The following PHLPP1 variants were observed in gnomAD, a reference collection of about 807,000 sequenced individuals.
PHLPP1 encodes PH domain and leucine rich repeat protein phosphatase 1.
Under a neutral mutation model 117.2 loss-of-function variants are expected in PHLPP1, and 42 were observed. That is an observed-to-expected ratio of 0.36 (90% CI 0.28 to 0.46). PHLPP1 has a LOEUF of 0.46. PHLPP1 is among the 20% of genes least tolerant of loss of function. PHLPP1 has a pLI of 1.00. For synonymous variants in PHLPP1, 1,042 were observed against 970.7 expected (o/e 1.07, Z -1.37); for missense variants, 2,084 against 2,241.9 (o/e 0.93, Z 1.42).
At chr18:62,863,267 G>A (rs574130646) in intron 4 of PHLPP1, among the ~76,000 whole-genome samples, 2 of 151,638 alleles carry the variant, frequency 1.3e-5, no homozygotes, top group South Asian at 4.2e-4. Context: ...GGAGTGCAGT[G>A]GTGGCTCACA....
In PHLPP1 at chr18:62,941,712, T is replaced by C. The variant is rs764520213; in HGVS notation, c.2961-6T>C. ...AATGGCATTTTGTTGCGTTTTGTCATTGTAGCCTGAGATTCCTGAACGCCT... is the reference window on the plus strand; with the variant it reads ...AATGGCATTTTGTTGCGTTTTGTCACTGTAGCCTGAGATTCCTGAACGCCT... On this transcript the variant is annotated splice_polypyrimidine_tract_variant and splice_region_variant and intron_variant, in intron 10 of 16. Coordinates refer to ENST00000262719, the MANE Select transcript of PHLPP1 (RefSeq NM_194449.4). The C allele has an allele frequency of 9.9e-6, 16 of 1,608,726 alleles. No homozygotes were observed. Among genetic ancestry groups the C allele is most frequent in the Non-Finnish European group, 1.4e-5 (16 of 1,176,358 alleles).
rs547093520 is a variant in PHLPP1 at position 62,872,926 on chromosome 18, G to A, written c.2066+12325G>A. ...CACTTGAATCTGGGAGGCGGAGGTT[G>A]CAGTGAGCCGAGACTGAGCCACTGC... On this transcript the variant is annotated intron_variant, in intron 4 of 16. Coordinates refer to ENST00000262719, the MANE Select transcript of PHLPP1 (RefSeq NM_194449.4). 1.3e-4 allele frequency among the ~76,000 whole-genome samples: 19 copies of A among 147,124 alleles called. No individual in the cohort carries two copies. The East Asian group carries it at 3.8e-3, about 29-fold the overall frequency.
At chr18:62,811,521 G>A (rs575086121) in intron 1 of PHLPP1, among the ~76,000 whole-genome samples, 2 of 151,042 alleles carry the variant, frequency 1.3e-5, no homozygotes, top group African/African-American at 4.8e-5. Context: ...GAAGATAGTA[G>A]GATTATGGTT....
chr18:62,718,718 A>T (rs1910833153), intron 1 of PHLPP1, among the ~76,000 whole-genome samples: 1 of 152,226 alleles, frequency 6.6e-6, no homozygotes, highest in Non-Finnish European at 1.5e-5. Flanking sequence ...TGTAATTTGT[A>T]AAATATTGTT....
intron 10 of PHLPP1, among the ~76,000 whole-genome samples, chr18:62,926,819 G>A (rs1220281634): frequency 6.6e-6 from 1 of 152,154 alleles, no homozygotes; most frequent in African/African-American, 2.4e-5. Context: ...AAGTGTGATA[G>A]CCCCCATCTT....
intron 1 of PHLPP1, among the ~76,000 whole-genome samples, chr18:62,780,946 A>G (rs950928140): frequency 2.0e-5 from 3 of 152,196 alleles, no homozygotes; most frequent in Non-Finnish European, 4.4e-5. Context: ...ACTCTTAACA[A>G]CAGGATGCTG....
chr18:62,952,597 C>T (rs1910495385), intron 12 of PHLPP1, among the ~76,000 whole-genome samples: 1 of 152,162 alleles, frequency 6.6e-6, no homozygotes, highest in Admixed American at 6.5e-5. Flanking sequence ...GAAGTTTAAA[C>T]ATTAATGCAC....
At chr18:62,916,698 GA>G (rs1198933256) in intron 9 of PHLPP1, among the ~76,000 whole-genome samples, 4 of 140,274 alleles carry the variant, frequency 2.9e-5, no homozygotes, top group East Asian at 2.1e-4. Context: ...ATAATTCGTT[GA>G]AAAAAATTTT....
chr18:62,968,505 T>C (rs959887804), intron 14 of PHLPP1, among the ~76,000 whole-genome samples: 4 of 151,424 alleles, frequency 2.6e-5, no homozygotes, highest in African/African-American at 9.7e-5. Flanking sequence ...AACATAAGCC[T>C]GTTCATAATA....
Position 62,975,388 on chromosome 18 carries a change from G to C in PHLPP1, c.3756-9G>C, listed in dbSNP as rs1286145966. The C allele has an allele frequency of 1.1e-5, 18 of 1,602,226 alleles. No homozygotes were observed. The highest frequency in any genetic ancestry group is 3.3e-5 in the Admixed American group (2 of 59,968). On this transcript the variant is annotated splice_polypyrimidine_tract_variant and intron_variant, in intron 15 of 16. Transcript: ENST00000262719. ...TGTTTGAGTGTCACCCCCTCTCTTC[G>C]GATTCCAGGAAACTTGGAACTGCTG... is the stretch of plus-strand genomic sequence containing the variant.
intron 1 of PHLPP1, among the ~76,000 whole-genome samples, chr18:62,781,440 T>G (rs1568115307): frequency 6.6e-6 from 1 of 152,216 alleles, no homozygotes; most frequent in African/African-American, 2.4e-5. Context: ...GTCTTGTTCC[T>G]GTCTAACCTG....
At chr18:62,734,867 C>T (rs969966730) in intron 1 of PHLPP1, among the ~76,000 whole-genome samples, 2 of 151,980 alleles carry the variant, frequency 1.3e-5, no homozygotes, top group Non-Finnish European at 2.9e-5. Flanking sequence ...ATGTTAGCAC[C>T]AATGTAATCA....
chr18:62,896,086 C>A, intron 6 of PHLPP1, 75 bp downstream of exon 6: 2 of 813,716 alleles, frequency 2.5e-6, no homozygotes, highest in Non-Finnish European at 4.0e-6. Flanking sequence ...GGTTATTAAC[C>A]AAGGCAAACA....
intron 4 of PHLPP1, among the ~76,000 whole-genome samples, chr18:62,862,932 T>A (rs1215952337): frequency 6.6e-6 from 1 of 152,188 alleles, no homozygotes; most frequent in East Asian, 1.9e-4. Flanking sequence ...GACAGTTTGG[T>A]GCTGCAGTGA....
At chr18:62,940,134 A>C (rs143466707) in intron 10 of PHLPP1, among the ~76,000 whole-genome samples, 306 of 152,098 alleles carry the variant, frequency 2.0e-3, no homozygotes, top group African/African-American at 7.1e-3. Flanking sequence ...ATGAATCAGG[A>C]GGGTCATCTC....
At chr18:62,820,502 G>C (rs1914419407) in intron 1 of PHLPP1, among the ~76,000 whole-genome samples, 1 of 152,208 alleles carries the variant, frequency 6.6e-6, no homozygotes, top group South Asian at 2.1e-4. Flanking sequence ...AGATCAGATG[G>C]AGGTAATTGA....
chr18:62,796,096 C>T (rs1166095022), intron 1 of PHLPP1, among the ~76,000 whole-genome samples: 1 of 152,192 alleles, frequency 6.6e-6, no homozygotes, highest in Non-Finnish European at 1.5e-5. Flanking sequence ...GTTTACAAAG[C>T]AGGTATAGCT....
intron 3 of PHLPP1, among the ~76,000 whole-genome samples, chr18:62,843,690 A>C (rs1200062419): frequency 7.2e-5 from 11 of 152,190 alleles, no homozygotes; most frequent in Admixed American, 7.2e-4. Context: ...ATGCTGTAAA[A>C]ATTGAGTAAA....
At chr18:62,884,589 C>T (rs964027156) in intron 4 of PHLPP1, among the ~76,000 whole-genome samples, 15 of 152,216 alleles carry the variant, frequency 9.9e-5, no homozygotes, top group Admixed American at 5.2e-4. Flanking sequence ...CAAGTCCAGC[C>T]GTTGAGCAGC....
Sources: allele counts gnomAD v4.1 joint callset (sites outside exome capture counted in the v4.1 genomes callset), GRCh38; gene constraint gnomAD v4.1.1; transcripts MANE v1.5; gene names NCBI Gene and HGNC (gene_info 2026-07-23, HGNC 2026-07-21).